Variants in HLA-DPA1 observed in about 807,000 individuals in gnomAD.
The protein encoded by HLA-DPA1 is major histocompatibility complex, class II, DP alpha 1, also known as HLA class II histocompatibility antigen, DP alpha 1 chain.
HLA-DPA1 carries 20 observed loss-of-function variants against 21.5 expected under a neutral mutation model. That is an observed-to-expected ratio of 0.93 (90% confidence interval 0.66 to 1.35). The LOEUF (loss-of-function observed/expected upper bound fraction) is 1.35. Among genes scored for constraint, HLA-DPA1 ranks in the 40% most tolerant of loss-of-function variants. The pLI, the probability that HLA-DPA1 is intolerant of heterozygous loss-of-function variation, is 0.00. For missense variants in HLA-DPA1, 279 were observed against 323.0 expected, an observed-to-expected ratio of 0.86 and a Z score of 1.05; for synonymous variants, 123 against 129.6, an observed-to-expected ratio of 0.95 and a Z score of 0.35.
chr6:33,069,542 C>T (rs745593062), intron 3 of HLA-DPA1, 99 bp downstream of exon 2: 21 of 1,439,142 alleles, frequency 1.5e-5, no homozygotes, highest in Non-Finnish European at 1.9e-5. Context: ...GAGGATCACA[C>T]AGCAGGGGGC....
intron 5 of HLA-DPA1, 147 bp from the exon 5 acceptor site, chr6:33,065,494 T>TG (rs1466718392): frequency 6.6e-6 from 1 of 152,332 alleles, no homozygotes; most frequent in African/African-American, 2.4e-5. Flanking sequence ...GCACATGCCC[T>TG]GGTCCTCCAG....
chr6:33,066,262 G>A (rs1438798616), intron 5 of HLA-DPA1: 1 of 152,188 alleles, frequency 6.6e-6, no homozygotes, highest in East Asian at 1.9e-4. Flanking sequence ...GAGACAAACA[G>A]AACAGTGGAA....
At chr6:33,074,586 C>T (rs935174595) in intron 1 of HLA-DPA1, among the ~76,000 whole-genome samples, 1 of 152,176 alleles carries the variant, frequency 6.6e-6, no homozygotes, top group African/African-American at 2.4e-5. Flanking sequence ...TGATGAAGTA[C>T]ATATATTACG....
At chr6:33,066,690 G>T (rs1484149596) in intron 5 of HLA-DPA1, 1 of 152,112 alleles carries the variant, frequency 6.6e-6, no homozygotes, top group Non-Finnish European at 1.5e-5. Context: ...CTACTAGCAG[G>T]ACTATATAAG....
intron 2 of HLA-DPA1, among the ~76,000 whole-genome samples, chr6:33,072,457 T>C (rs1762324575): frequency 6.6e-6 from 1 of 152,254 alleles, no homozygotes; most frequent in South Asian, 2.1e-4. Context: ...TAGGAATTTC[T>C]ACCAAGAATA....
At position 33,080,310 on chromosome 6, in the gene HLA-DPA1, G is replaced by T; in HGVS notation, c.-100+370C>A. ...TAGGGGGAGCAGCTCCGCCCTCCAC[G>T]TCCCCAGCTCCTCCCGCCCCTGTTT... On this transcript the variant is annotated intron_variant, in intron 1 of 5. Coordinates refer to ENST00000419277, the Ensembl canonical transcript of HLA-DPA1. This position sits in a 1 kb window ranked among gnomAD's most constrained non-coding sequence, Gnocchi z 4.3. 2.3e-6 allele frequency: 1 copy of T among 436,898 alleles called. No homozygotes were observed. The highest frequency in any genetic ancestry group is 6.0e-5 in the East Asian group (1 of 16,792). 27.1% of individuals were successfully genotyped at this position (436,898 alleles called of 1,614,324 possible).
At chr6:33,067,995 G>A (rs1043883389) in intron 5 of HLA-DPA1, 3 of 152,208 alleles carry the variant, frequency 2.0e-5, no homozygotes, top group African/African-American at 7.2e-5. Context: ...GAAGTTCACT[G>A]TCTAATGCTA....
At chr6:33,065,406 A>C (rs1761910418) in intron 5 of HLA-DPA1, 59 bp from the exon 5 acceptor site, 1 of 152,500 alleles carries the variant, frequency 6.6e-6, no homozygotes, top group Non-Finnish European at 1.5e-5. Context: ...GCCCGGACCC[A>C]TCTTCCCCAC....
intron 5 of HLA-DPA1, 118 bp downstream of exon 4, chr6:33,068,520 T>C (rs1213781372): frequency 3.9e-6 from 3 of 765,054 alleles, no homozygotes; most frequent in Non-Finnish European, 4.3e-6. Flanking sequence ...GGTGTTGTTG[T>C]TGTTATGTGG....
chr6:33,077,889 AT>A (rs11297463), intron 1 of HLA-DPA1, among the ~76,000 whole-genome samples: 14,784 of 152,162 alleles, frequency 0.097, 777 homozygotes, highest in Middle Eastern at 0.18. Context: ...CCTTGGGTTC[AT>A]TGTCCAGGAA....
chr6:33,068,172 T>C (rs946376480), intron 5 of HLA-DPA1: 3 of 153,148 alleles, frequency 2.0e-5, no homozygotes, highest in East Asian at 1.9e-4. Flanking sequence ...GTTGTAATTA[T>C]GTATAGAAAT....
At chr6:33,068,103 T>C (rs981257847) in intron 5 of HLA-DPA1, 1 of 152,270 alleles carries the variant, frequency 6.6e-6, no homozygotes, top group African/African-American at 2.4e-5. Context: ...TGTGTGAACA[T>C]TGCCATGGAA....
At chr6:33,069,485 A>T (rs1172979847) in intron 3 of HLA-DPA1, 156 bp downstream of exon 2, 1 of 1,091,376 alleles carries the variant, frequency 9.2e-7, no homozygotes, top group Non-Finnish European at 1.3e-6. Flanking sequence ...AGAAGAGAGG[A>T]TGCAAGCCCT....
At chr6:33,073,347 G>C in intron 2 of HLA-DPA1, 124 bp downstream of exon 1, 1 of 686,444 alleles carries the variant, frequency 1.5e-6, no homozygotes, top group South Asian at 1.7e-5. Flanking sequence ...GGGCCAGAGG[G>C]AACATAGACT....
chr6:33,073,527 A>C (rs1364297064), exon 2 of HLA-DPA1: 4 of 1,612,916 alleles, frequency 2.5e-6, no homozygotes. Context: ...GAGGGCTCTC[A>C]AGATCACAGC....
At position 33,080,212 on chromosome 6, in the gene HLA-DPA1, G is replaced by T. The variant is rs1048724702; in HGVS notation, c.-100+468C>A. On this transcript the variant is annotated intron_variant, in intron 1 of 5. Transcript: ENST00000419277. This position sits in a 1 kb window ranked among gnomAD's most constrained non-coding sequence, Gnocchi z 4.3. ...CTATGGAAAAGAGAAAGAAGGAAGGGAGGGCTTCCTGGAGGAGGTGGCATT... is the reference window on the plus strand; with the variant it reads ...CTATGGAAAAGAGAAAGAAGGAAGGTAGGGCTTCCTGGAGGAGGTGGCATT... Among the ~76,000 whole-genome samples, 10 of 152,292 alleles carry T rather than the reference G, an allele frequency of 6.6e-5. No individual in the cohort carries two copies. The highest frequency in any genetic ancestry group is 2.4e-4 in the African/African-American group (10 of 41,560).
intron 2 of HLA-DPA1, among the ~76,000 whole-genome samples, chr6:33,071,857 G>T (rs951595755): frequency 1.3e-5 from 2 of 152,190 alleles, no homozygotes; most frequent in African/African-American, 2.4e-5. Context: ...TTACTGTGGG[G>T]CTATTGCACT....
chr6:33,076,125 G>C, intron 1 of HLA-DPA1: 1 of 1,610,300 alleles, frequency 6.2e-7, no homozygotes, highest in Non-Finnish European at 8.5e-7. Context: ...CTGTGGTCCA[G>C]GGCAGGGCCA....
rs564276921 is a variant in HLA-DPA1, at chr6:33,078,169, T to C, written c.-100+2511A>G. Among the ~76,000 whole-genome samples, 47 of 152,096 alleles carry C rather than the reference T, an allele frequency of 3.1e-4. No individual in the cohort carries two copies. In the South Asian group the frequency reaches 8.3e-3, roughly 27 times the overall value. On this transcript the variant is annotated intron_variant, in intron 1 of 5. Transcript: ENST00000419277. ...GAGAGCAGAAGGGGGCATGTGATGC[T>C]GGGCAGTGAAAGGGAGGACGGGCAA...
Sources: allele counts gnomAD v4.1 joint callset (sites outside exome capture counted in the v4.1 genomes callset), GRCh38; gene constraint gnomAD v4.1.1; non-coding constraint Gnocchi (gnomAD v3.1); transcripts MANE v1.5; gene names NCBI Gene and HGNC (gene_info 2026-07-23, HGNC 2026-07-21).